NRG3: variants seen among roughly 807,000 people sequenced by gnomAD.
NRG3 encodes the protein pro-neuregulin-3, membrane-bound isoform.
NRG3 carries 31 observed loss-of-function variants against 66.9 expected under a neutral mutation model. That is an observed-to-expected ratio of 0.46 (90% CI 0.35 to 0.63). The LOEUF is 0.63. Ranked by LOEUF, NRG3 falls within the 20% of genes least tolerant of loss-of-function variation. The pLI, the probability that NRG3 is intolerant of heterozygous loss-of-function variation, is 0.00. For missense variants in NRG3, 910 were observed against 878.9 expected, an observed-to-expected ratio of 1.04 and a Z score of -0.45; for synonymous variants, 393 against 359.4, an observed-to-expected ratio of 1.09 and a Z score of -1.06.
At chr10:82,660,196 CAAAAAAAAAAAAAAAAAAAAAAAAAAA>C (rs58870828) in intron 2 of NRG3, among the ~76,000 whole-genome samples, 2 of 19,566 alleles carry the variant, frequency 1.0e-4, no homozygotes, top group Non-Finnish European at 1.9e-4. Context: ...AACTCCCTCT[CAAAAAAAAAAAAAAAAAAAAAAAAAAA>C]AAAAAAAAAA....
chr10:82,619,438 T>A (rs2048890428), intron 2 of NRG3, among the ~76,000 whole-genome samples: 1 of 152,202 alleles, frequency 6.6e-6, no homozygotes. Context: ...GGGATTGGTA[T>A]TTCTGCATGC....
chr10:82,730,099 T>C (rs559668229), intron 2 of NRG3, among the ~76,000 whole-genome samples: 144 of 150,452 alleles, frequency 9.6e-4, no homozygotes, highest in African/African-American at 3.4e-3. Flanking sequence ...TTTTTTTTTT[T>C]TTTTGAGACG....
At chr10:82,489,286 T>C (rs933552075) in intron 2 of NRG3, among the ~76,000 whole-genome samples, 4 of 152,184 alleles carry the variant, frequency 2.6e-5, no homozygotes, top group Admixed American at 1.3e-4. Flanking sequence ...CTTAGAGATA[T>C]ATGGAGAAGG....
At chr10:82,593,244 CT>C (rs1479197861) in intron 2 of NRG3, among the ~76,000 whole-genome samples, 1 of 152,146 alleles carries the variant, frequency 6.6e-6, no homozygotes, top group Non-Finnish European at 1.5e-5. Flanking sequence ...ACTGAAGGGT[CT>C]GTGAAAATTT....
intron 1 of NRG3, among the ~76,000 whole-genome samples, chr10:82,350,450 A>C (rs532705857): frequency 2.6e-4 from 39 of 152,310 alleles, no homozygotes; most frequent in African/African-American, 9.1e-4. Flanking sequence ...GGAACATGTA[A>C]GCAGTTAAAC....
intron 3 of NRG3, among the ~76,000 whole-genome samples, chr10:82,763,775 C>G (rs1295894673): frequency 2.0e-5 from 3 of 151,952 alleles, no homozygotes; most frequent in African/African-American, 7.3e-5. Context: ...GTTGATCATA[C>G]AGAATGTGTC....
At chr10:82,460,063 G>T (rs994612173) in intron 2 of NRG3, among the ~76,000 whole-genome samples, 1 of 152,082 alleles carries the variant, frequency 6.6e-6, no homozygotes, top group East Asian at 1.9e-4. Flanking sequence ...ATCTTTCTCC[G>T]CTTTTTGCTG....
intron 1 of NRG3, among the ~76,000 whole-genome samples, chr10:82,226,777 C>T (rs1313750816): frequency 6.6e-6 from 1 of 152,190 alleles, no homozygotes; most frequent in Non-Finnish European, 1.5e-5. Flanking sequence ...GCCAAAGTCT[C>T]ACAGTTAGTT....
intron 4 of NRG3, among the ~76,000 whole-genome samples, chr10:82,925,372 C>T (rs1846879044): frequency 6.6e-6 from 1 of 152,206 alleles, no homozygotes; most frequent in African/African-American, 2.4e-5. Context: ...ACTTTAGTTT[C>T]TCTGTGCCCT....
At position 82,933,380 on chromosome 10, in the gene NRG3, C is replaced by A. The variant is rs139319743; in HGVS notation, c.1055-18089C>A. Among the ~76,000 whole-genome samples, 323 of 152,246 alleles carry A rather than the reference C, an allele frequency of 2.1e-3. 1 individual carries two copies. The highest frequency in any genetic ancestry group is 7.3e-3 in the African/African-American group (302 of 41,532). On this transcript the variant is annotated intron_variant, in intron 4 of 8. Transcript: ENST00000372141. ...TACCTCTGCTGCACAACCACTCAGG[C>A]AACTGTTCCTAATGTCTTCTCTGAG... is the stretch of plus-strand genomic sequence containing the variant.
At chr10:82,710,693 ATTTTTT>A (rs1260021766) in intron 2 of NRG3, among the ~76,000 whole-genome samples, 1 of 146,680 alleles carries the variant, frequency 6.8e-6, no homozygotes, top group Non-Finnish European at 1.5e-5. Flanking sequence ...TATCTTTTTC[ATTTTTT>A]ATTTTTATTT....
At chr10:82,494,264 ATAAT>A (rs1843418441) in intron 2 of NRG3, among the ~76,000 whole-genome samples, 1 of 152,188 alleles carries the variant, frequency 6.6e-6, no homozygotes, top group Non-Finnish European at 1.5e-5. Flanking sequence ...AACAGAGAAG[ATAAT>A]TAGTTTTTTA....
chr10:82,522,131 C>T (rs1846257308), intron 2 of NRG3, among the ~76,000 whole-genome samples: 1 of 151,180 alleles, frequency 6.6e-6, no homozygotes. Flanking sequence ...GCAACCTCCA[C>T]CCACCGGGTT....
At chr10:82,391,753 TTG>T (rs2086380586) in intron 2 of NRG3, among the ~76,000 whole-genome samples, 1 of 152,160 alleles carries the variant, frequency 6.6e-6, no homozygotes. Context: ...AAATAAGCTT[TTG>T]TGTGTTTTTT....
intron 2 of NRG3, among the ~76,000 whole-genome samples, chr10:82,674,259 C>T (rs2134063308): frequency 6.6e-6 from 1 of 152,274 alleles, no homozygotes; most frequent in African/African-American, 2.4e-5. Flanking sequence ...ATCTAGTTGA[C>T]ATTCTTGCCT....
At chr10:81,959,850 G>A (rs1850186911) in intron 1 of NRG3, among the ~76,000 whole-genome samples, 1 of 152,060 alleles carries the variant, frequency 6.6e-6, no homozygotes, top group African/African-American at 2.4e-5. Flanking sequence ...TGCATATATG[G>A]TGGATATATG....
intron 1 of NRG3, among the ~76,000 whole-genome samples, chr10:82,226,622 C>G (rs2076174319): frequency 6.6e-6 from 1 of 152,102 alleles, no homozygotes; most frequent in African/African-American, 2.4e-5. Context: ...CAAATATTGA[C>G]TGGGTTCTTA....
At chr10:82,602,376 G>A (rs2047690430) in intron 2 of NRG3, among the ~76,000 whole-genome samples, 2 of 152,010 alleles carry the variant, frequency 1.3e-5, no homozygotes, top group South Asian at 4.2e-4. Flanking sequence ...ACAGTATAAT[G>A]CTGTTAATTT....
chr10:82,848,433 T>C (rs943402543), intron 3 of NRG3, among the ~76,000 whole-genome samples: 1 of 152,172 alleles, frequency 6.6e-6, no homozygotes, highest in Non-Finnish European at 1.5e-5. Context: ...ATGGGTGTAT[T>C]TACCCAATGC....
Sources: gnomAD v4.1 joint callset for allele counts (sites outside exome capture counted in the v4.1 genomes callset) on GRCh38, gnomAD v4.1.1 for gene constraint, MANE v1.5 for transcripts, NCBI Gene and HGNC (gene_info 2026-07-23, HGNC 2026-07-21) for gene names.